The following CD200R1 variants were observed in gnomAD, a reference collection of about 807,000 sequenced individuals.
CD200R1 encodes the protein cell surface glycoprotein CD200 receptor 1.
In CD200R1, 30 loss-of-function variants were observed where a neutral mutation model predicts 38.1. The observed-to-expected ratio is 0.79, with a 90% CI of 0.59 to 1.07. CD200R1 has a LOEUF of 1.07. Ranked by LOEUF, CD200R1 falls within the 50% of genes least tolerant of loss-of-function variation. CD200R1 has a pLI of 0.00. For missense variants in CD200R1, 372 were observed against 415.4 expected (o/e 0.90, Z 0.91); for synonymous variants, 128 against 152.1 (o/e 0.84, Z 1.16).
At chr3:112,947,774 C>CA (rs1473701684) in intron 2 of CD200R1, 82 bp downstream of exon 2, 20 of 840,192 alleles carry the variant, frequency 2.4e-5, no homozygotes, top group Admixed American at 1.4e-4. Context: ...ATGCATGAGA[C>CA]AATTCAAGAT....
At chr3:112,942,726 C>T (rs1484959401) in intron 2 of CD200R1, among the ~76,000 whole-genome samples, 1 of 151,008 alleles carries the variant, frequency 6.6e-6, no homozygotes, top group Admixed American at 6.6e-5. Context: ...TACAAAAAAC[C>T]TTGAAATCTA....
intron 2 of CD200R1, among the ~76,000 whole-genome samples, chr3:112,931,583 T>C (rs1940442253): frequency 6.6e-6 from 1 of 152,144 alleles, no homozygotes; most frequent in Non-Finnish European, 1.5e-5. Flanking sequence ...TTCACCCAGG[T>C]TAATACAGCA....
chr3:112,930,902 G>T lies in CD200R1; in HGVS notation c.202+204C>A, dbSNP rs570057120. Among the ~76,000 whole-genome samples, 8 of 152,324 alleles carry T rather than the reference G, an allele frequency of 5.3e-5. No individual in the cohort carries two copies. In the East Asian group the frequency reaches 1.5e-3, roughly 29 times the overall value. On this transcript the variant is annotated intron_variant, in intron 3 of 7. Coordinates refer to ENST00000308611, the MANE Select transcript of CD200R1 (RefSeq NM_138806.4). ...CCTTCCGCCACTCCACCTTAGCAAA[G>T]GTTCAGAGACAAGCAAGAACATGGC...
At chr3:112,964,939 G>A (rs555434112) in intron 1 of CD200R1, among the ~76,000 whole-genome samples, 32 of 152,288 alleles carry the variant, frequency 2.1e-4, no homozygotes, top group African/African-American at 7.7e-4. Context: ...AGATCTGATG[G>A]TTTTAAAAAT....
chr3:112,932,988 C>T lies in CD200R1; in HGVS notation c.137-1817G>A, dbSNP rs575115210. 2.6e-5 allele frequency among the ~76,000 whole-genome samples: 4 copies of T among 152,120 alleles called. No individual in the cohort carries two copies. In the South Asian group the frequency reaches 6.2e-4, roughly 24 times the overall value. On this transcript the variant is annotated intron_variant, in intron 2 of 7. Coordinates refer to ENST00000308611, the MANE Select transcript of CD200R1 (RefSeq NM_138806.4). Reference sequence around the variant, plus strand: ...TGTCCTGGGCCTGAGAAACAGCCAGCGGGCCCCTACTGTGAACAACCCTAG... The same window carrying T: ...TGTCCTGGGCCTGAGAAACAGCCAGTGGGCCCCTACTGTGAACAACCCTAG...
In CD200R1 at chr3:112,960,529, C is replaced by A. The variant is rs369720257; in HGVS notation, c.68-12605G>T. 7.9e-5 allele frequency among the ~76,000 whole-genome samples: 12 copies of A among 151,844 alleles called. No homozygotes were observed. In the East Asian group the frequency reaches 1.2e-3, roughly 15 times the overall value. ...AATACAAACTTAAACATGGATAAAT[C>A]TCTAAAATAATGAATAAATGAAAGA... is the stretch of plus-strand genomic sequence containing the variant. On this transcript the variant is annotated intron_variant, in intron 1 of 7. Transcript: ENST00000308611.
chr3:112,929,044 A>G lies in CD200R1; in HGVS notation c.541T>C (p.Phe181Leu). 1 of 1,613,916 alleles carries G rather than the reference A, an allele frequency of 6.2e-7. No individual in the cohort carries two copies. Among genetic ancestry groups the G allele is most frequent in the Non-Finnish European group, 8.5e-7 (1 of 1,180,006 alleles). The change falls in exon 5 of 8, where the codon TTT becomes CTT. Residue 181 changes from phenylalanine (F) to leucine (L), a missense_variant. Coordinates refer to ENST00000308611, the MANE Select transcript of CD200R1 (RefSeq NM_138806.4). ...ACTGCAGTTCTATTCCTGTTTTGAA[A>G]CAGGGTCACTTCAGGTGTAACTGCA... ...QVLVTPEVTL[F>L]QNRNRTAVCK...
chr3:112,935,211 G>A (rs1288419182), intron 2 of CD200R1, among the ~76,000 whole-genome samples: 1 of 151,994 alleles, frequency 6.6e-6, no homozygotes, highest in African/African-American at 2.4e-5. Flanking sequence ...AGAAACATTG[G>A]ATCTAAACCA....
At chr3:112,929,964 T>G (rs1227154212) in intron 3 of CD200R1, among the ~76,000 whole-genome samples, 9 of 152,148 alleles carry the variant, frequency 5.9e-5, no homozygotes, top group Non-Finnish European at 8.8e-5. Flanking sequence ...CTCTAAGGTT[T>G]TTGTTTCAGA....
intron 1 of CD200R1, among the ~76,000 whole-genome samples, chr3:112,971,415 G>T (rs1933306652): frequency 6.6e-6 from 1 of 152,048 alleles, no homozygotes; most frequent in Non-Finnish European, 1.5e-5. Flanking sequence ...AGTATCTGTA[G>T]GAATTTTCCT....
chr3:112,967,857 A>G (rs1242894266), intron 1 of CD200R1, among the ~76,000 whole-genome samples: 1 of 152,116 alleles, frequency 6.6e-6, no homozygotes, highest in Non-Finnish European at 1.5e-5. Context: ...CTCAGCTCAC[A>G]CCCCAGAAAG....
chr3:112,938,932 G>T (rs1239176384), intron 2 of CD200R1, among the ~76,000 whole-genome samples: 1 of 152,006 alleles, frequency 6.6e-6, no homozygotes. Flanking sequence ...AATCAAGTGA[G>T]ATTCACCTCA....
At chr3:112,969,811 A>G (rs1933256625) in intron 1 of CD200R1, among the ~76,000 whole-genome samples, 1 of 152,160 alleles carries the variant, frequency 6.6e-6, no homozygotes, top group South Asian at 2.1e-4. Context: ...CTAACTTCCA[A>G]GAGAACCTGC....
chr3:112,934,830 C>G (rs537170200), intron 2 of CD200R1, among the ~76,000 whole-genome samples: 20 of 151,924 alleles, frequency 1.3e-4, no homozygotes, highest in Non-Finnish European at 2.6e-4. Flanking sequence ...AACTCCATCT[C>G]AAAAAACCAA....
At chr3:112,949,859 G>A (rs1192921830) in intron 1 of CD200R1, among the ~76,000 whole-genome samples, 1 of 152,186 alleles carries the variant, frequency 6.6e-6, no homozygotes, top group Non-Finnish European at 1.5e-5. Context: ...AGTTCGGGAA[G>A]AGACAATTGT....
In CD200R1 at chr3:112,928,939, A is replaced by C. The variant is rs900427390; in HGVS notation, c.646T>G (p.Trp216Gly). 2 of 1,613,960 alleles carry C rather than the reference A, an allele frequency of 1.2e-6. No homozygotes were observed. Among genetic ancestry groups the C allele is most frequent in the Non-Finnish European group, 1.7e-6 (2 of 1,180,002 alleles). ...EGDCATKQEY[W>G]SNGTVTVKST... ...TTAACAGTCACTGTGCCATTGCTCC[A>C]GTATTCTTGCTTAGTGGCACAATCG... Residue 216 changes from tryptophan (W) to glycine (G), a missense_variant, in exon 5 of 8, where the codon TGG (tryptophan) becomes GGG (glycine). Transcript: ENST00000308611.
At chr3:112,929,586 T>C in intron 3 of CD200R1, 79 bp from the exon 4 acceptor site, 1 of 1,273,668 alleles carries the variant, frequency 7.9e-7, no homozygotes, top group East Asian at 2.3e-5. Context: ...ACATATGAAG[T>C]TACACTAGAA....
rs1941102727 is a variant in CD200R1 at position 112,956,452 on chromosome 3, T to G, written c.68-8528A>C. Among the ~76,000 whole-genome samples, 7 of 152,324 alleles carry G rather than the reference T, an allele frequency of 4.6e-5. No homozygotes were observed. The South Asian group carries it at 1.4e-3, about 32-fold the overall frequency. Reference sequence around the variant, plus strand: ...ATTGTTTCTCTGTGTTTTCTTGAACTTTGCTGAGCTTCCTTAAAAAGTTAT... The same window carrying G: ...ATTGTTTCTCTGTGTTTTCTTGAACGTTGCTGAGCTTCCTTAAAAAGTTAT... On this transcript the variant is annotated intron_variant, in intron 1 of 7. Coordinates refer to ENST00000308611, the MANE Select transcript of CD200R1 (RefSeq NM_138806.4).
At chr3:112,925,005 C>G in intron 6 of CD200R1, 80 bp downstream of exon 6, 1 of 810,446 alleles carries the variant, frequency 1.2e-6, no homozygotes, top group Non-Finnish European at 2.1e-6. Flanking sequence ...CTAATATACC[C>G]AATACGGTCA....
Sources: allele counts gnomAD v4.1 joint callset (sites outside exome capture counted in the v4.1 genomes callset), GRCh38; gene constraint gnomAD v4.1.1; transcripts MANE v1.5; gene names NCBI Gene and HGNC (gene_info 2026-07-23, HGNC 2026-07-21).